TRARG1: variants seen among roughly 807,000 people sequenced by gnomAD.
TRARG1 encodes trafficking regulator of GLUT4 (SLC2A4) 1 (gene/pseudogene), also known as trafficking regulator of GLUT4 1.
A neutral mutation model predicts 13.3 loss-of-function variants in TRARG1; 16 were observed. That is an observed-to-expected ratio of 1.20 (90% CI 0.81 to 1.83). The LOEUF (loss-of-function observed/expected upper bound fraction) is 1.83. TRARG1 is among the 40% of genes most tolerant of loss of function. The pLI is 0.00. For synonymous variants in TRARG1, 113 were observed against 106.2 expected, an observed-to-expected ratio of 1.06 and a Z score of -0.39; for missense variants, 250 against 237.4, an observed-to-expected ratio of 1.05 and a Z score of -0.35.
intron 1 of TRARG1, among the ~76,000 whole-genome samples, chr17:1,282,413 C>T (rs1323809981): frequency 4.0e-5 from 6 of 151,682 alleles, no homozygotes; most frequent in Admixed American, 2.0e-4. Context: ...CTCTGTCACC[C>T]AGGCTGGAGT....
At chr17:1,292,497 C>A (rs1441386434) in intron 1 of TRARG1, among the ~76,000 whole-genome samples, 2 of 152,218 alleles carry the variant, frequency 1.3e-5, no homozygotes, top group Non-Finnish European at 2.9e-5. Context: ...CTGCCCACCT[C>A]TGTGCCTCCC....
In TRARG1 at chr17:1,282,254, A is replaced by G. The variant is rs1380288412; in HGVS notation, c.387+1866A>G. The stretch of plus-strand genomic sequence containing the variant: ...TATGTACGTATATGCACGTATATGT[A>G]CGTATATGTACATATATGCACGTAT... On this transcript the variant is annotated intron_variant, in intron 1 of 2. Transcript: ENST00000333813. Among the ~76,000 whole-genome samples the G allele has an allele frequency of 1.9e-5, 2 of 106,706 alleles. 1 individual carries two copies. The highest frequency in any genetic ancestry group is 5.8e-4 in the East Asian group (2 of 3,422). The allele number at this position is 106,706 out of a possible 152,430, so 70.0% of individuals were successfully genotyped here. A position where few individuals can be genotyped will look rare whatever the true frequency, so the allele number is the denominator to read the frequency against.
intron 1 of TRARG1, among the ~76,000 whole-genome samples, chr17:1,282,037 CACACATATGT>C (rs1176493538): frequency 9.3e-6 from 1 of 108,030 alleles, no homozygotes; most frequent in African/African-American, 2.9e-5. Context: ...TACATATATA[CACACATATGT>C]ACACATATGT....
In TRARG1 at chr17:1,280,383, A is replaced by G; in HGVS notation, c.382A>G (p.Ile128Val). The stretch of plus-strand genomic sequence containing the variant: ...CAACCTCATCCCCCTCATCATTTCC[A>G]TCATGGTAAGTGCTGGTCTTTGTTC... ...PLNLIPLIIS[I>V]MSRSSMQQGN... Residue 128 changes from isoleucine to valine, a missense_variant, in exon 1 of 3, where the codon ATC (isoleucine) becomes GTC (valine). By Grantham distance (29) the Ile-to-Val change is conservative (BLOSUM62 3). Coordinates refer to ENST00000333813, the MANE Select transcript of TRARG1 (RefSeq NM_172367.3). The G allele has an allele frequency of 1.3e-6, 2 of 1,595,944 alleles. No homozygotes were observed. Among genetic ancestry groups the G allele is most frequent in the South Asian group, 1.1e-5 (1 of 89,194 alleles).
rs896826005 is a variant in TRARG1, at chr17:1,299,408, G to A, written c.*1144G>A. ...TGTTGTTTGACCGTCCTGAGACCGA[G>A]GGAAGGGCTCAGCTGAAGGACCCCG... On this transcript the variant is annotated 3_prime_UTR_variant, in exon 3 of 3. Coordinates refer to ENST00000333813, the MANE Select transcript of TRARG1 (RefSeq NM_172367.3). 1 of 152,282 alleles carries A rather than the reference G, an allele frequency of 6.6e-6. No homozygotes were observed. Among genetic ancestry groups the A allele is most frequent in the Non-Finnish European group, 1.5e-5 (1 of 68,096 alleles). The allele number at this position is 152,282 out of a possible 1,614,324, so 9.4% of individuals were successfully genotyped here.
Position 1,280,230 on chromosome 17 carries a change from T to C in TRARG1, c.229T>C (p.Ser77Pro), listed in dbSNP as rs2071962644. ...GCACCTGGAGGCCCCACTGCCTCGG[T>C]CCCCCTCCCGGGCCAGCTCAAGGAG... ...EGHLEAPLPRSPSRASSRRAS... is the reference protein window; with the variant it reads ...EGHLEAPLPRPPSRASSRRAS... Residue 77 changes from serine to proline, a missense_variant, in exon 1 of 3, where the codon TCC becomes CCC. Coordinates refer to ENST00000333813, the MANE Select transcript of TRARG1 (RefSeq NM_172367.3). 6.2e-7 allele frequency: 1 copy of C among 1,613,704 alleles called. No individual in the cohort carries two copies. The highest frequency in any genetic ancestry group is 1.1e-5 in the South Asian group (1 of 91,030).
chr17:1,282,274 A>G (rs372071846), intron 1 of TRARG1, among the ~76,000 whole-genome samples: 4 of 67,354 alleles, frequency 5.9e-5, no homozygotes, highest in African/African-American at 2.3e-4. Context: ...ACATATATGC[A>G]CGTATATGTA....
At chr17:1,293,353 G>A (rs1046674333) in intron 1 of TRARG1, among the ~76,000 whole-genome samples, 1 of 151,906 alleles carries the variant, frequency 6.6e-6, no homozygotes, top group African/African-American at 2.4e-5. Flanking sequence ...GAGCCGTCAC[G>A]GAGAGGGAGG....
chr17:1,282,029 CATAT>C (rs934777072), intron 1 of TRARG1, among the ~76,000 whole-genome samples: 1 of 136,672 alleles, frequency 7.3e-6, no homozygotes, highest in Non-Finnish European at 1.6e-5. Flanking sequence ...TACATATGTA[CATAT>C]ATACACACAT....
chr17:1,294,310 C>T (rs2072095179), intron 1 of TRARG1, among the ~76,000 whole-genome samples: 1 of 152,072 alleles, frequency 6.6e-6, no homozygotes, highest in Admixed American at 6.6e-5. Context: ...AGGAGTGATA[C>T]ATAAAACAAG....
At chr17:1,294,268 T>A (rs946122170) in intron 1 of TRARG1, among the ~76,000 whole-genome samples, 2 of 152,012 alleles carry the variant, frequency 1.3e-5, no homozygotes, top group African/African-American at 4.8e-5. Flanking sequence ...TTTTAGCCGT[T>A]GAACTAGGTT....
At position 1,282,276 on chromosome 17, in the gene TRARG1, G is replaced by GTATATGTACGTATATGTACATATGCGTA. The variant is rs1555630860; in HGVS notation, c.387+1897_387+1898insGTATATGTACATATGCGTATATATGTAC. ...TGTACGTATATGTACATATATGCACGTATATGTACATATATGTACGTATAT... is the reference window on the plus strand; with the variant it reads ...TGTACGTATATGTACATATATGCACGTATATGTACGTATATGTACATATGCGTATATATGTACATATATGTACGTATAT... On this transcript the variant is annotated intron_variant, in intron 1 of 2. Transcript: ENST00000333813. Among the ~76,000 whole-genome samples, 485 of 68,584 alleles carry GTATATGTACGTATATGTACATATGCGTA rather than the reference G, an allele frequency of 7.1e-3. 16 individuals carry two copies. Among genetic ancestry groups the GTATATGTACGTATATGTACATATGCGTA allele is most frequent in the African/African-American group, 0.033 (451 of 13,534 alleles). The allele number at this position is 68,584 out of a possible 152,430, so 45.0% of individuals were successfully genotyped here.
rs1408747546 is a variant in TRARG1 at position 1,298,316 on chromosome 17, C to T, written c.*52C>T. 6 of 1,604,938 alleles carry T rather than the reference C, an allele frequency of 3.7e-6. No homozygotes were observed. The highest frequency in any genetic ancestry group is 4.3e-6 in the Non-Finnish European group (5 of 1,174,820). On this transcript the variant is annotated 3_prime_UTR_variant, in exon 3 of 3. Transcript: ENST00000333813. The stretch of plus-strand genomic sequence containing the variant: ...AGGCCGGCCCTGGCCATCGGGAGAG[C>T]TCTGACCTGCACACCGCGGGAGGCC...
intron 1 of TRARG1, among the ~76,000 whole-genome samples, chr17:1,284,863 G>A (rs940897255): frequency 4.0e-5 from 6 of 151,848 alleles, no homozygotes; most frequent in Non-Finnish European, 8.8e-5. Context: ...TGTATTTTTA[G>A]TAGATACGGG....
chr17:1,280,275 A>G lies in TRARG1; in HGVS notation c.274A>G (p.Thr92Ala). Residue 92 changes from threonine (T) to alanine (A), a missense_variant, in exon 1 of 3, where the codon ACC (threonine) becomes GCC (alanine). By Grantham distance (58) the Thr-to-Ala change is moderately conservative (BLOSUM62 0). Coordinates refer to ENST00000333813, the MANE Select transcript of TRARG1 (RefSeq NM_172367.3). ...AAGGAGGGCGTCCTCCATCGCCACC[A>G]CCTCCTATGCCCAAGACCAAGAAGC... The part of the protein sequence containing the change: ...SSRRASSIAT[T>A]SYAQDQEAPR... The G allele has an allele frequency of 6.2e-7, 1 of 1,613,608 alleles. No homozygotes were observed. Among genetic ancestry groups the G allele is most frequent in the South Asian group, 1.1e-5 (1 of 91,040 alleles).
At position 1,280,144 on chromosome 17, in the gene TRARG1, C is replaced by T. The variant is rs527632397; in HGVS notation, c.143C>T (p.Ser48Leu). The change falls in exon 1 of 3, where the codon TCG becomes TTG. Residue 48 changes from serine (S) to leucine (L), a missense_variant. Ser to Leu is a moderately radical substitution (Grantham distance 145). Coordinates refer to ENST00000333813, the MANE Select transcript of TRARG1 (RefSeq NM_172367.3). ...DKTLNLSKTLSGPLDLEQNSQ... is the reference protein window; with the variant it reads ...DKTLNLSKTLLGPLDLEQNSQ... ...ACCCTGAATCTGTCCAAGACCCTCT[C>T]GGGGCCTCTGGATCTGGAGCAGAAC... 113 of 1,613,980 alleles carry T rather than the reference C, an allele frequency of 7.0e-5. No individual in the cohort carries two copies. The highest frequency in any genetic ancestry group is 1.0e-4 in the Admixed American group (6 of 60,022).
intron 1 of TRARG1, among the ~76,000 whole-genome samples, chr17:1,286,862 G>A (rs575899184): frequency 6.6e-6 from 1 of 151,594 alleles, no homozygotes; most frequent in East Asian, 1.9e-4. Flanking sequence ...TTGTCGGCCT[G>A]TGGAGTGTTG....
At chr17:1,292,356 G>C (rs1180845053) in intron 1 of TRARG1, among the ~76,000 whole-genome samples, 2 of 152,162 alleles carry the variant, frequency 1.3e-5, no homozygotes, top group African/African-American at 2.4e-5. Context: ...CCACACTGCA[G>C]ACAGAAGGGT....
Position 1,298,335 on chromosome 17 carries a change from G to T in TRARG1, c.*71G>T. 6.4e-7 allele frequency: 1 copy of T among 1,560,140 alleles called. No homozygotes were observed. Among genetic ancestry groups the T allele is most frequent in the Non-Finnish European group, 8.8e-7 (1 of 1,141,656 alleles). ...GGAGAGCTCTGACCTGCACACCGCG[G>T]GAGGCCAGGGTGCTGACTGTCAAGC... On this transcript the variant is annotated 3_prime_UTR_variant, in exon 3 of 3. Coordinates refer to ENST00000333813, the MANE Select transcript of TRARG1 (RefSeq NM_172367.3).
Sources: allele counts gnomAD v4.1 joint callset (sites outside exome capture counted in the v4.1 genomes callset), GRCh38; gene constraint gnomAD v4.1.1; transcripts MANE v1.5; gene names NCBI Gene and HGNC (gene_info 2026-07-23, HGNC 2026-07-21).